ADRA1A: variants seen among roughly 807,000 people sequenced by gnomAD.
ADRA1A encodes the protein adrenoceptor alpha 1A.
In ADRA1A, 31 loss-of-function variants were observed where a neutral mutation model predicts 29.6. The ratio of observed to expected loss-of-function variants is 1.05; its 90% CI spans 0.79 to 1.41. The LOEUF is 1.41. ADRA1A is among the 40% of genes most tolerant of loss of function. ADRA1A has a pLI of 0.00. For synonymous variants in ADRA1A, 311 were observed against 254.3 expected, an observed-to-expected ratio of 1.22 and a Z score of -2.12; for missense variants, 619 against 601.1, an observed-to-expected ratio of 1.03 and a Z score of -0.31.
At chr8:26,818,900 G>A (rs1409679205) in intron 2 of ADRA1A, among the ~76,000 whole-genome samples, 3 of 152,116 alleles carry the variant, frequency 2.0e-5, no homozygotes, top group Non-Finnish European at 4.4e-5. Context: ...AAGAGAGAGA[G>A]AGAGAAAGCG....
At chr8:26,826,036 T>G (rs1189719765) in intron 2 of ADRA1A, among the ~76,000 whole-genome samples, 1 of 152,224 alleles carries the variant, frequency 6.6e-6, no homozygotes, top group Non-Finnish European at 1.5e-5. Context: ...TGAGTTCATT[T>G]TCGTCATGGA....
downstream of ADRA1A, among the ~76,000 whole-genome samples, chr8:26,764,048 A>G (rs1466526268): frequency 6.6e-6 from 1 of 152,124 alleles, no homozygotes; most frequent in Non-Finnish European, 1.5e-5. Flanking sequence ...AAACAGATGA[A>G]CTTGAACTCT....
At chr8:26,818,638 A>G (rs1004991025) in intron 2 of ADRA1A, among the ~76,000 whole-genome samples, 3 of 152,134 alleles carry the variant, frequency 2.0e-5, no homozygotes, top group Non-Finnish European at 2.9e-5. Flanking sequence ...TGAATAATAC[A>G]TTAAAAAAGA....
rs187327889 is a variant in ADRA1A, at chr8:26,831,753, G to T, written c.883+32334C>A. On this transcript the variant is annotated intron_variant, in intron 2 of 2. Coordinates refer to ENST00000380573, the MANE Select transcript of ADRA1A (RefSeq NM_000680.4). This position sits in a 1 kb window ranked among gnomAD's most constrained non-coding sequence, Gnocchi z 5.2. ...GGAATGAAGGACCCTTTTGGGCCTTGGGGGGAACACGCTGCATGCAGCTTC... is the reference window on the plus strand; with the variant it reads ...GGAATGAAGGACCCTTTTGGGCCTTTGGGGGAACACGCTGCATGCAGCTTC... Among the ~76,000 whole-genome samples the T allele has an allele frequency of 6.6e-6, 1 of 152,326 alleles. No homozygotes were observed. Among genetic ancestry groups the T allele is most frequent in the Admixed American group, 6.5e-5 (1 of 15,300 alleles).
Position 26,756,860 on chromosome 8 carries a change from A to G in ADRA1A, c.1270-81T>C. ...GGCATCATGCATCAATGTGATCACAATTTTATCCTTTTGTAGAGTAAGAAT... is the reference window on the plus strand; with the variant it reads ...GGCATCATGCATCAATGTGATCACAGTTTTATCCTTTTGTAGAGTAAGAAT... On this transcript the variant is annotated intron_variant, in intron 2 of 2. Transcript: ENST00000380582. 1.9e-6 allele frequency: 3 copies of G among 1,560,234 alleles called. No homozygotes were observed. In the South Asian group the frequency reaches 3.7e-5, roughly 19 times the overall value.
chr8:26,836,507 C>T (rs1253757922), intron 2 of ADRA1A, among the ~76,000 whole-genome samples: 7 of 152,148 alleles, frequency 4.6e-5, no homozygotes, highest in East Asian at 3.9e-4. Flanking sequence ...TACACAGCAG[C>T]GCTGCATTAG....
At chr8:26,762,674 G>A (rs938033190), downstream of ADRA1A, among the ~76,000 whole-genome samples, 2 of 152,252 alleles carry the variant, frequency 1.3e-5, no homozygotes, top group African/African-American at 4.8e-5. This position sits in a 1 kb window ranked among gnomAD's most constrained non-coding sequence, Gnocchi z 4.0. Context: ...GGGAAGGGAG[G>A]GAAAGCTGCC....
intron 2 of ADRA1A, among the ~76,000 whole-genome samples, chr8:26,757,628 G>A (rs971478127): frequency 1.3e-5 from 2 of 152,122 alleles, no homozygotes; most frequent in Admixed American, 1.3e-4. Flanking sequence ...GGCTTTGGGG[G>A]TATTATGGTG....
At chr8:26,798,339 C>T (rs143953298) in intron 2 of ADRA1A, among the ~76,000 whole-genome samples, 11 of 152,140 alleles carry the variant, frequency 7.2e-5, no homozygotes, top group East Asian at 5.8e-4. Context: ...ATTAGATGGG[C>T]GAGATTCTAA....
rs1417678251 is a variant in ADRA1A, at chr8:26,775,008, G to A, written c.884-4342C>T. On this transcript the variant is annotated intron_variant, in intron 2 of 2. Transcript: ENST00000380573. This position sits in a 1 kb window ranked among gnomAD's most constrained non-coding sequence, Gnocchi z 4.1. ...GGCCTCCAGCCATCAGGACCTAGAG[G>A]GTCAGGGCTGAACCAGCCTGGTTCA... is the stretch of plus-strand genomic sequence containing the variant. 1.3e-5 allele frequency among the ~76,000 whole-genome samples: 2 copies of A among 152,138 alleles called. No homozygotes were observed. Among genetic ancestry groups the A allele is most frequent in the African/African-American group, 4.8e-5 (2 of 41,428 alleles).
In ADRA1A at chr8:26,864,557, ACGATGGTTGGGTAG is replaced by A. The variant is rs753662656; in HGVS notation, c.399_412del (p.Tyr134HisfsTer162). The A allele has an allele frequency of 3.1e-6, 5 of 1,613,950 alleles. No individual in the cohort carries two copies. The highest frequency in any genetic ancestry group is 3.3e-5 in the Admixed American group (2 of 59,998). On this transcript the variant is annotated frameshift_variant, in exon 2 of 3. Coordinates refer to ENST00000380573, the MANE Select transcript of ADRA1A (RefSeq NM_000680.4). LOFTEE classifies it high-confidence loss of function. The surrounding 1 kb of genome is among the most constrained non-coding windows in gnomAD (Gnocchi z 8.1). ...AGCCATGAGACCCCTCCTCTGGGTGACGATGGTTGGGTAGCGCAGCGGGTAGCTCACGCCGATGT... is the reference window on the plus strand; with the variant it reads ...AGCCATGAGACCCCTCCTCTGGGTGACGCAGCGGGTAGCTCACGCCGATGT...
intron 2 of ADRA1A, among the ~76,000 whole-genome samples, chr8:26,836,508 G>A (rs149747948): frequency 1.3e-5 from 2 of 152,288 alleles, no homozygotes; most frequent in African/African-American, 4.8e-5. Flanking sequence ...ACACAGCAGC[G>A]CTGCATTAGG....
chr8:26,850,038 C>CAAAAAAAAAAAAACAAAA (rs1585833097), intron 2 of ADRA1A, among the ~76,000 whole-genome samples: 1 of 115,290 alleles, frequency 8.7e-6, no homozygotes, highest in Non-Finnish European at 2.0e-5. Flanking sequence ...AAACAAAAAA[C>CAAAAAAAAAAAAACAAAA]AAAAAACAAA....
intron 2 of ADRA1A, among the ~76,000 whole-genome samples, chr8:26,838,333 A>C (rs981379855): frequency 1.3e-5 from 2 of 152,212 alleles, no homozygotes; most frequent in African/African-American, 4.8e-5. Flanking sequence ...AGCAGATCCC[A>C]GTCACTGACA....
chr8:26,770,507 C>G lies in ADRA1A; in HGVS notation c.1043G>C (p.Arg348Thr), dbSNP rs999009558. The change falls in exon 3 of 3, where the codon AGA becomes ACA. Residue 348 changes from arginine (R) to threonine (T), a missense_variant. Physicochemically the swap from Arg to Thr is moderately conservative, Grantham distance 71. Coordinates refer to ENST00000380573, the MANE Select transcript of ADRA1A (RefSeq NM_000680.4). ...QNVLRIQCLC[R>T]KQSSKHALGY... ...CAGGGCATGTTTGGAAGACTGCTTT[C>G]TGCAGAGACACTGGATTCTCAAGAC... is the stretch of plus-strand genomic sequence containing the variant. 1.9e-6 allele frequency: 3 copies of G among 1,614,070 alleles called. No individual in the cohort carries two copies. The African/African-American group carries it at 4.0e-5, about 22-fold the overall frequency.
intron 2 of ADRA1A, among the ~76,000 whole-genome samples, chr8:26,784,845 T>C (rs369629378): frequency 4.9e-4 from 74 of 152,318 alleles, no homozygotes; most frequent in African/African-American, 1.8e-3. Flanking sequence ...CTCTAACCGA[T>C]GGCTGAAAGC....
At chr8:26,798,006 A>T (rs1026553119) in intron 2 of ADRA1A, among the ~76,000 whole-genome samples, 1 of 147,000 alleles carries the variant, frequency 6.8e-6, no homozygotes, top group Non-Finnish European at 1.5e-5. Context: ...TTGGGATGGA[A>T]TCTCACTTGT....
intron 2 of ADRA1A, among the ~76,000 whole-genome samples, chr8:26,773,830 C>A (rs1261125746): frequency 6.6e-6 from 1 of 152,118 alleles, no homozygotes; most frequent in East Asian, 1.9e-4. Flanking sequence ...ATGGCTGACC[C>A]AGAGCCAAGC....
At chr8:26,835,326 C>G (rs1207775122) in intron 2 of ADRA1A, among the ~76,000 whole-genome samples, 1 of 152,184 alleles carries the variant, frequency 6.6e-6, no homozygotes, top group African/African-American at 2.4e-5. Context: ...GCAGTTTTTA[C>G]AAACCCAATT....
Sources: gnomAD v4.1 joint callset for allele counts (sites outside exome capture counted in the v4.1 genomes callset) on GRCh38, gnomAD v4.1.1 for gene constraint, Gnocchi (gnomAD v3.1) non-coding constraint, MANE v1.5 for transcripts, NCBI Gene and HGNC (gene_info 2026-07-23, HGNC 2026-07-21) for gene names.